The following ZFP1 variants were observed in gnomAD, a reference collection of about 807,000 sequenced individuals.
ZFP1 encodes the protein ZFP1 zinc finger protein, also known as zinc finger protein 1 homolog.
A neutral mutation model predicts 38.5 loss-of-function variants in ZFP1; 32 were observed. That is an observed-to-expected ratio of 0.83 (90% CI 0.63 to 1.12). ZFP1 has a LOEUF of 1.12. Among genes scored for constraint, ZFP1 ranks in the 50% most tolerant of loss-of-function variants. The pLI is 0.00. For synonymous variants in ZFP1, 245 were observed against 168.8 expected (o/e 1.45, Z -3.50); for missense variants, 616 against 480.8 (o/e 1.28, Z -2.63).
At chr16:75,130,651 A>G in the ZFP1 span, among the ~76,000 whole-genome samples, 1 of 152,098 alleles carries the variant, frequency 6.6e-6, no homozygotes, top group Admixed American at 6.6e-5. Flanking sequence ...GCTGCCACCA[A>G]CTGTTATTTT....
chr16:75,166,504 CA>C, intron 2 of ZFP1: 1 of 981,120 alleles, frequency 1.0e-6, no homozygotes, highest in Non-Finnish European at 1.2e-6. Context: ...GCTGGGATTA[CA>C]GGTGTGAGCC....
rs774322171 is a variant in ZFP1, at chr16:75,170,082, T to C, written c.972T>C (p.Tyr324=). 1.2e-6 allele frequency: 2 copies of C among 1,614,182 alleles called. No individual in the cohort carries two copies. Among genetic ancestry groups the C allele is most frequent in the South Asian group, 1.1e-5 (1 of 91,078 alleles). ...HQKIHTGEKR[Y]ECSECGKSFI... Reference sequence around the variant, plus strand: ...AGATTCACACGGGGGAGAAACGCTATGAGTGCAGTGAATGTGGAAAATCCT... The same window carrying C: ...AGATTCACACGGGGGAGAAACGCTACGAGTGCAGTGAATGTGGAAAATCCT... Residue 324 remains tyrosine, a synonymous_variant, in exon 4 of 4, where the codon TAT becomes TAC. Coordinates refer to ENST00000570010, the MANE Select transcript of ZFP1 (RefSeq NM_153688.4).
rs148482195 is a variant in ZFP1, at chr16:75,169,302, C to T, written c.192C>T (p.Asp64=). ...TGGAGAGAGACCACAGAAACCCAGA[C>T]GAGCAGGCGAGGCAATTTTTAATTC... ...DQMERDHRNP[D]EQARQFLILK... Residue 64 remains aspartate, a synonymous_variant, in exon 4 of 4, where the codon GAC becomes GAT. Transcript: ENST00000570010. The T allele has an allele frequency of 9.7e-5, 156 of 1,613,842 alleles. 2 individuals are homozygous for T. In the East Asian group the frequency reaches 2.5e-3, roughly 26 times the overall value.
upstream of ZFP1, among the ~76,000 whole-genome samples, chr16:75,146,108 GA>G (rs1274475973): frequency 1.3e-5 from 2 of 152,082 alleles, no homozygotes; most frequent in African/African-American, 4.8e-5. Context: ...GGGGTCCAGG[GA>G]ACTCTCCTGT....
the ZFP1 span, among the ~76,000 whole-genome samples, chr16:75,124,178 T>G: frequency 6.6e-6 from 1 of 151,530 alleles, no homozygotes; most frequent in African/African-American, 2.4e-5. Context: ...TTTTTTTTTT[T>G]TGAGACAAGA....
At chr16:75,163,509 A>G (rs1019062804) in intron 2 of ZFP1, among the ~76,000 whole-genome samples, 2 of 150,232 alleles carry the variant, frequency 1.3e-5, no homozygotes, top group East Asian at 4.0e-4. Context: ...ACGGGGTTTC[A>G]CCATGTTGTC....
the ZFP1 span, among the ~76,000 whole-genome samples, chr16:75,139,361 T>G: frequency 1.3e-5 from 1 of 77,590 alleles, no homozygotes; most frequent in African/African-American, 6.1e-5. Flanking sequence ...AGAGCGAGAC[T>G]CCATCTCAAA....
chr16:75,162,511 A>AT (rs1275976870), intron 2 of ZFP1, among the ~76,000 whole-genome samples: 2 of 152,050 alleles, frequency 1.3e-5, no homozygotes, highest in African/African-American at 2.4e-5. Context: ...TATGTTGAAG[A>AT]TTTTTTTTAA....
At chr16:75,139,387 A>AAACAAAAAC in the ZFP1 span, among the ~76,000 whole-genome samples, 1 of 144,126 alleles carries the variant, frequency 6.9e-6, no homozygotes, top group African/African-American at 2.8e-5. Flanking sequence ...AAAAAAAAAA[A>AAACAAAAAC]AAAAAAAAAC....
the ZFP1 span, among the ~76,000 whole-genome samples, chr16:75,140,960 A>G: frequency 6.6e-6 from 1 of 152,092 alleles, no homozygotes; most frequent in South Asian, 2.1e-4. Context: ...CTCCATCTCA[A>G]AAAAACACAA....
rs199954101 is a variant in ZFP1 at position 75,169,370 on chromosome 16, G to A, written c.260G>A (p.Gly87Glu). ...ATTGAGGAAAGAGGCGATCTCTTTGGAAAAGCACTTAATCTGAACACAGAC... is the reference window on the plus strand; with the variant it reads ...ATTGAGGAAAGAGGCGATCTCTTTGAAAAAGCACTTAATCTGAACACAGAC... The part of the protein sequence containing the change: ...TPIEERGDLF[G>E]KALNLNTDFV... Residue 87 changes from glycine to glutamate, a missense_variant, in exon 4 of 4, where the codon GGA (glycine) becomes GAA (glutamate). Physicochemically the swap from Gly to Glu is moderately conservative, Grantham distance 98. Transcript: ENST00000570010. 4.3e-6 allele frequency: 7 copies of A among 1,614,126 alleles called. No homozygotes were observed. The South Asian group carries it at 6.6e-5, about 15-fold the overall frequency.
chr16:75,150,209 C>T lies in ZFP1; in HGVS notation c.-44+1566C>T, dbSNP rs373836128. 2.2e-3 allele frequency among the ~76,000 whole-genome samples: 217 copies of T among 100,242 alleles called. 2 individuals carry two copies. Among genetic ancestry groups the T allele is most frequent in the African/African-American group, 6.7e-3 (182 of 27,102 alleles). 65.8% of individuals were successfully genotyped at this position (100,242 alleles called of 152,430 possible). ...CCAAGTTTTTGGAGATTTTCCAGAT[C>T]TTTTTTTTTTTTTTTTTGAGACAGA... On this transcript the variant is annotated intron_variant, in intron 1 of 3. Transcript: ENST00000570010.
chr16:75,139,898 T>G, the ZFP1 span, among the ~76,000 whole-genome samples: 1 of 152,190 alleles, frequency 6.6e-6, no homozygotes, highest in Non-Finnish European at 1.5e-5. Flanking sequence ...GTGGATGTAT[T>G]TAATACCTCT....
the ZFP1 span, among the ~76,000 whole-genome samples, chr16:75,124,512 G>GCA: frequency 2.0e-5 from 3 of 150,320 alleles, no homozygotes; most frequent in South Asian, 4.2e-4. Flanking sequence ...GGCCGGGCAT[G>GCA]GTGGCTCACG....
At chr16:75,152,806 A>G (rs968347168) in intron 1 of ZFP1, 103 bp from the exon 2 acceptor site, 7 of 1,063,138 alleles carry the variant, frequency 6.6e-6, no homozygotes, top group South Asian at 1.6e-5. Context: ...AGGAGGTGGT[A>G]TTTTCCCAGG....
intron 3 of ZFP1, among the ~76,000 whole-genome samples, chr16:75,168,142 C>G (rs143261392): frequency 2.1e-3 from 326 of 152,264 alleles, no homozygotes; most frequent in Non-Finnish European, 3.2e-3. Context: ...CAGGCATGAG[C>G]CAGTGTGCCT....
At position 75,169,436 on chromosome 16, in the gene ZFP1, A is replaced by G. The variant is rs1171701199; in HGVS notation, c.326A>G (p.Tyr109Cys). The G allele has an allele frequency of 6.2e-7, 1 of 1,612,884 alleles. No individual in the cohort carries two copies. Among genetic ancestry groups the G allele is most frequent in the Admixed American group, 1.7e-5 (1 of 59,634 alleles). The change falls in exon 4 of 4, where the codon TAT becomes TGT. Residue 109 changes from tyrosine to cysteine, a missense_variant. Tyr to Cys is a radical substitution (Grantham distance 194). Transcript: ENST00000570010. ...LRQVPYKYDL[Y>C]EKTLKYNSDL... ...CAAGTACCTTATAAATATGACTTAT[A>G]TGAAAAAACTTTGAAATATAATTCA...
the ZFP1 span, among the ~76,000 whole-genome samples, chr16:75,122,043 A>C: frequency 6.6e-6 from 1 of 152,208 alleles, no homozygotes; most frequent in Non-Finnish European, 1.5e-5. Context: ...AGAAATGCAA[A>C]ATGCTTATTC....
rs140745602 is a variant in ZFP1 at position 75,149,637 on chromosome 16, G to A, written c.-44+994G>A. On this transcript the variant is annotated intron_variant, in intron 1 of 3. Transcript: ENST00000570010. ...TGCAGTGGCTTGATCTCGGCTCACTGCAACCTCCGCCTCCTGGGTTAAAGT... is the reference window on the plus strand; with the variant it reads ...TGCAGTGGCTTGATCTCGGCTCACTACAACCTCCGCCTCCTGGGTTAAAGT... Among the ~76,000 whole-genome samples the A allele has an allele frequency of 8.3e-3, 1,096 of 131,714 alleles. 13 individuals are homozygous for A. Among genetic ancestry groups the A allele is most frequent in the African/African-American group, 0.03 (1,046 of 35,066 alleles). 86.4% of individuals were successfully genotyped at this position (131,714 alleles called of 152,430 possible).
Sources: allele counts gnomAD v4.1 joint callset (sites outside exome capture counted in the v4.1 genomes callset), GRCh38; gene constraint gnomAD v4.1.1; transcripts MANE v1.5; gene names NCBI Gene and HGNC (gene_info 2026-07-23, HGNC 2026-07-21).